The following LRP1B variants were observed in gnomAD, a reference collection of about 807,000 sequenced individuals.
The protein encoded by LRP1B is LDL receptor related protein 1B.
A neutral mutation model predicts 556.6 loss-of-function variants in LRP1B; 217 were observed. That is an observed-to-expected ratio of 0.39 (90% CI 0.35 to 0.44). LRP1B has a LOEUF of 0.44. Ranked by LOEUF, LRP1B falls within the 20% of genes least tolerant of loss-of-function variation. The pLI is 1.00. For missense variants in LRP1B, 5,053 were observed against 5,620.8 expected (o/e 0.90, Z 3.23); for synonymous variants, 2,047 against 1,865.8 (o/e 1.10, Z -2.50).
chr2:140,994,389 ATGTGTGTG>A (rs3061707), intron 15 of LRP1B, among the ~76,000 whole-genome samples: 24 of 147,180 alleles, frequency 1.6e-4, no homozygotes, highest in African/African-American at 4.3e-4. Context: ...GTAGGTAAGG[ATGTGTGTG>A]TGTGTGTGTG....
intron 2 of LRP1B, among the ~76,000 whole-genome samples, chr2:141,690,442 A>ATATATATAT (rs1691483707): frequency 1.2e-5 from 1 of 82,294 alleles, no homozygotes; most frequent in Non-Finnish European, 2.6e-5. Flanking sequence ...TATATATATA[A>ATATATATAT]TTACAAATAT....
At chr2:140,530,351 C>A (rs1042684909) in intron 47 of LRP1B, among the ~76,000 whole-genome samples, 18 of 152,028 alleles carry the variant, frequency 1.2e-4, no homozygotes, top group African/African-American at 4.3e-4. Flanking sequence ...TGGAAAGAGA[C>A]CTCTTTTCCA....
intron 3 of LRP1B, among the ~76,000 whole-genome samples, chr2:141,475,817 C>T (rs892949727): frequency 1.3e-5 from 2 of 152,106 alleles, no homozygotes; most frequent in African/African-American, 2.4e-5. Context: ...GGAAGATCAT[C>T]TCCCCACACC....
intron 1 of LRP1B, among the ~76,000 whole-genome samples, chr2:141,879,744 A>C (rs907253898): frequency 2.6e-5 from 4 of 151,984 alleles, no homozygotes; most frequent in African/African-American, 9.7e-5. Context: ...CAAACAAAAA[A>C]CTTGTCTTGC....
At chr2:141,890,340 A>ATATG in intron 1 of LRP1B, among the ~76,000 whole-genome samples, 2 of 133,644 alleles carry the variant, frequency 1.5e-5, no homozygotes, top group East Asian at 2.2e-4. Flanking sequence ...ATATATATAT[A>ATATG]TATATATATA....
rs752370092 is a variant in LRP1B at position 140,702,484 on chromosome 2, C to T, written c.6093G>A (p.Lys2031=). The T allele has an allele frequency of 1.9e-6, 3 of 1,613,538 alleles. No individual in the cohort carries two copies. The highest frequency in any genetic ancestry group is 2.5e-6 in the Non-Finnish European group (3 of 1,179,684). ...CTATTCCCATGCTTACAAGGACAACCTTCTCTGAGCCATCCAAGCGAGCCT... is the reference window on the plus strand; with the variant it reads ...CTATTCCCATGCTTACAAGGACAACTTTCTCTGAGCCATCCAAGCGAGCCT... ...IGKARLDGSE[K]VVLVSMGIAW... The change falls in exon 38 of 91, where the codon AAG becomes AAA. Residue 2031 remains lysine (K), a synonymous_variant. Coordinates refer to ENST00000389484, the MANE Select transcript of LRP1B (RefSeq NM_018557.3).
At chr2:140,797,762 A>T (rs1212540804) in intron 32 of LRP1B, among the ~76,000 whole-genome samples, 2 of 152,168 alleles carry the variant, frequency 1.3e-5, no homozygotes, top group Non-Finnish European at 2.9e-5. Flanking sequence ...AAGGTTCTGT[A>T]GAGAGGGAAA....
At chr2:141,272,901 G>C (rs1331707988) in intron 3 of LRP1B, among the ~76,000 whole-genome samples, 2 of 152,028 alleles carry the variant, frequency 1.3e-5, no homozygotes, top group Non-Finnish European at 2.9e-5. Flanking sequence ...TTTTAATAAT[G>C]GCAAGAACAA....
intron 41 of LRP1B, among the ~76,000 whole-genome samples, chr2:140,622,205 A>G (rs1369993193): frequency 6.6e-6 from 1 of 152,230 alleles, no homozygotes; most frequent in Non-Finnish European, 1.5e-5. Flanking sequence ...GATTCAAGTT[A>G]CAAACTCATA....
chr2:140,547,206 T>G (rs1680373879), intron 43 of LRP1B, among the ~76,000 whole-genome samples: 1 of 152,166 alleles, frequency 6.6e-6, no homozygotes, highest in African/African-American at 2.4e-5. Flanking sequence ...CTCAATTTTT[T>G]TGTACTAATT....
At chr2:140,482,375 C>T (rs892964630) in intron 59 of LRP1B, among the ~76,000 whole-genome samples, 4 of 152,026 alleles carry the variant, frequency 2.6e-5, no homozygotes, top group Admixed American at 6.6e-5. Context: ...CTTAATTATA[C>T]AAAAAGATAA....
At chr2:141,373,708 A>C (rs1689324060) in intron 3 of LRP1B, among the ~76,000 whole-genome samples, 1 of 151,900 alleles carries the variant, frequency 6.6e-6, no homozygotes, top group South Asian at 2.1e-4. Flanking sequence ...CTTTATGTCC[A>C]GTCTATATGT....
chr2:140,943,210 G>T (rs1695451234), intron 20 of LRP1B, among the ~76,000 whole-genome samples: 1 of 152,022 alleles, frequency 6.6e-6, no homozygotes, highest in African/African-American at 2.4e-5. Context: ...AATGATAAAG[G>T]GTTCAAGTCA....
At chr2:140,743,373 G>A (rs565853811) in intron 35 of LRP1B, among the ~76,000 whole-genome samples, 3 of 152,222 alleles carry the variant, frequency 2.0e-5, no homozygotes, top group East Asian at 1.9e-4. Flanking sequence ...GAAAAGAAAG[G>A]TTAGAGATTG....
intron 25 of LRP1B, among the ~76,000 whole-genome samples, chr2:140,872,360 A>ATTTTTTTTTTTTTTTTTTTTTTTTT (rs59469282): frequency 3.3e-5 from 2 of 60,496 alleles, no homozygotes; most frequent in Admixed American, 2.3e-4. Context: ...GTGTCACCTG[A>ATTTTTTTTTTTTTTTTTTTTTTTTT]TTTTTTTTTT....
intron 1 of LRP1B, among the ~76,000 whole-genome samples, chr2:141,977,173 T>C (rs954451911): frequency 1.3e-5 from 2 of 152,134 alleles, no homozygotes; most frequent in Non-Finnish European, 2.9e-5. Context: ...GGAGAGGAAT[T>C]AACAGCATTT....
At chr2:141,543,604 A>T (rs1239932339) in intron 2 of LRP1B, among the ~76,000 whole-genome samples, 1 of 151,556 alleles carries the variant, frequency 6.6e-6, no homozygotes, top group Non-Finnish European at 1.5e-5. Flanking sequence ...ACACATCTGT[A>T]GTCCTAGCTA....
At chr2:140,532,792 G>A (rs1211918382) in intron 47 of LRP1B, among the ~76,000 whole-genome samples, 1 of 151,512 alleles carries the variant, frequency 6.6e-6, no homozygotes, top group Non-Finnish European at 1.5e-5. Flanking sequence ...ATTCTCTTTT[G>A]TTTCATTCAT....
At chr2:141,784,800 G>C (rs868298896) in intron 2 of LRP1B, among the ~76,000 whole-genome samples, 1 of 151,786 alleles carries the variant, frequency 6.6e-6, no homozygotes, top group African/African-American at 2.4e-5. Flanking sequence ...CTCCAAAATG[G>C]TCTCTTATAC....
Sources: allele counts gnomAD v4.1 joint callset (sites outside exome capture counted in the v4.1 genomes callset), GRCh38; gene constraint gnomAD v4.1.1; transcripts MANE v1.5; gene names NCBI Gene and HGNC (gene_info 2026-07-23, HGNC 2026-07-21).